CREB5: variants seen among roughly 807,000 people sequenced by gnomAD.
The protein encoded by CREB5 is cAMP responsive element binding protein 5.
In CREB5, 19 loss-of-function variants were observed where a neutral mutation model predicts 57.1. That is an observed-to-expected ratio of 0.33 (90% CI 0.23 to 0.49). The LOEUF is 0.49. Among genes scored for constraint, CREB5 ranks in the 20% least tolerant of loss-of-function variants. CREB5 has a pLI of 0.99. For synonymous variants in CREB5, 238 were observed against 238.3 expected (o/e 1.00, Z 0.01); for missense variants, 579 against 671.6 (o/e 0.86, Z 1.52).
intron 5 of CREB5, among the ~76,000 whole-genome samples, chr7:28,643,687 G>T (rs1021067449): frequency 3.1e-4 from 47 of 151,760 alleles, no homozygotes; most frequent in African/African-American, 1.1e-3. Context: ...CTTTGTGCTA[G>T]AGGCAAATCT....
chr7:28,409,183 C>G (rs1382428686), upstream of CREB5, among the ~76,000 whole-genome samples: 1 of 151,426 alleles, frequency 6.6e-6, no homozygotes, highest in Non-Finnish European at 1.5e-5. The surrounding 1 kb of genome is among the most constrained non-coding windows in gnomAD (Gnocchi z 4.4). Context: ...CACCAGGGTC[C>G]GCGCGGGCGG....
intron 1 of CREB5, among the ~76,000 whole-genome samples, chr7:28,331,648 G>A (rs1005255445): frequency 2.0e-5 from 3 of 151,906 alleles, no homozygotes; most frequent in Non-Finnish European, 2.9e-5. Context: ...TCAGGAGTTC[G>A]AGACCAGCCT....
intron 7 of CREB5, among the ~76,000 whole-genome samples, chr7:28,742,041 G>C (rs1804383745): frequency 7.2e-6 from 1 of 139,092 alleles, no homozygotes; most frequent in African/African-American, 2.8e-5. Flanking sequence ...ACTCCAGCCT[G>C]AGCAACAGAG....
At chr7:28,654,981 G>A (rs1266413694) in intron 5 of CREB5, among the ~76,000 whole-genome samples, 1 of 152,212 alleles carries the variant, frequency 6.6e-6, no homozygotes, top group East Asian at 1.9e-4. Flanking sequence ...CACAATATTG[G>A]CTCACTGCAG....
intron 1 of CREB5, among the ~76,000 whole-genome samples, chr7:28,378,689 A>G (rs1786897467): frequency 6.6e-6 from 1 of 152,156 alleles, no homozygotes; most frequent in African/African-American, 2.4e-5. Context: ...TTGAAATTTT[A>G]GACTGCATAA....
intron 4 of CREB5, among the ~76,000 whole-genome samples, chr7:28,556,022 C>T (rs925234271): frequency 3.3e-5 from 5 of 152,126 alleles, no homozygotes; most frequent in Non-Finnish European, 7.3e-5. Flanking sequence ...GAGAGGTTGC[C>T]AGGGAGAGTG....
chr7:28,667,649 A>G (rs1057488074), intron 5 of CREB5, among the ~76,000 whole-genome samples: 1 of 152,220 alleles, frequency 6.6e-6, no homozygotes, highest in Non-Finnish European at 1.5e-5. Context: ...TTGGTGTTAT[A>G]TAAGAACTCA....
chr7:28,317,499 G>A (rs994494361), intron 1 of CREB5, among the ~76,000 whole-genome samples: 1 of 152,178 alleles, frequency 6.6e-6, no homozygotes, highest in African/African-American at 2.4e-5. Context: ...AATAGTTGAC[G>A]CTGTGGTATA....
rs183208246 is a variant in CREB5, at chr7:28,393,011, G to A, written c.-25+93570G>A. On this transcript the variant is annotated intron_variant, in intron 1 of 9. Transcript: ENST00000396299. ...GTGATCTTGGCTCACCGCAACCTCT[G>A]CCTCTTAGGTTCAAGCGATTCTCCT... Among the ~76,000 whole-genome samples the A allele has an allele frequency of 3.2e-3, 490 of 151,660 alleles. 4 individuals carry two copies. The highest frequency in any genetic ancestry group is 0.011 in the African/African-American group (463 of 41,282).
intron 1 of CREB5, among the ~76,000 whole-genome samples, chr7:28,340,478 G>A (rs1022119691): frequency 6.6e-6 from 1 of 151,188 alleles, no homozygotes; most frequent in Admixed American, 6.6e-5. Context: ...AATAGGTGCT[G>A]TATCCTACCA....
intron 5 of CREB5, among the ~76,000 whole-genome samples, chr7:28,592,724 A>G (rs1285340280): frequency 1.3e-5 from 2 of 152,204 alleles, no homozygotes; most frequent in African/African-American, 4.8e-5. Flanking sequence ...AATGTCTACA[A>G]AAGGGTCACC....
intron 4 of CREB5, among the ~76,000 whole-genome samples, chr7:28,520,113 T>C (rs1204121235): frequency 6.6e-6 from 1 of 152,196 alleles, no homozygotes; most frequent in Non-Finnish European, 1.5e-5. Context: ...TGCATCGTGG[T>C]ATGGGTTCAG....
intron 1 of CREB5, among the ~76,000 whole-genome samples, chr7:28,306,555 G>GTTTTTTTT (rs869277871): frequency 3.3e-3 from 193 of 58,096 alleles, no homozygotes; most frequent in Non-Finnish European, 3.5e-3. Context: ...TGTTTTTTTT[G>GTTTTTTTT]TTTTTTTTTT....
chr7:28,462,126 GT>G (rs1790375157), intron 1 of CREB5, among the ~76,000 whole-genome samples: 1 of 152,030 alleles, frequency 6.6e-6, no homozygotes, highest in Non-Finnish European at 1.5e-5. Flanking sequence ...GTCTGTTTGG[GT>G]TTGCCTATTC....
intron 1 of CREB5, among the ~76,000 whole-genome samples, chr7:28,392,667 A>C (rs1787245224): frequency 6.6e-6 from 1 of 151,962 alleles, no homozygotes; most frequent in Non-Finnish European, 1.5e-5. Context: ...CCTTTCATAG[A>C]CTCTTAGAAT....
intron 1 of CREB5, among the ~76,000 whole-genome samples, chr7:28,422,055 G>T (rs1162599811): frequency 2.6e-5 from 4 of 152,006 alleles, no homozygotes; most frequent in Admixed American, 6.6e-5. Context: ...CTTTGCGGGG[G>T]ACAACCTGGG....
chr7:28,562,985 C>T (rs958079515), intron 4 of CREB5, among the ~76,000 whole-genome samples: 1 of 152,188 alleles, frequency 6.6e-6, no homozygotes, highest in Admixed American at 6.5e-5. Flanking sequence ...TGAAGCCAAA[C>T]TGCCTAGAGC....
intron 1 of CREB5, among the ~76,000 whole-genome samples, chr7:28,442,758 A>T: frequency 6.6e-6 from 1 of 152,150 alleles, no homozygotes; most frequent in Non-Finnish European, 1.5e-5. Context: ...TAATCACTGT[A>T]ATGTTGTGAC....
At chr7:28,579,445 T>C (rs1796036839) in intron 5 of CREB5, among the ~76,000 whole-genome samples, 1 of 152,074 alleles carries the variant, frequency 6.6e-6, no homozygotes, top group Admixed American at 6.6e-5. Context: ...TGGAGTTTTA[T>C]AGTTTTCCCC....
Sources: gnomAD v4.1 joint callset for allele counts (sites outside exome capture counted in the v4.1 genomes callset) on GRCh38, gnomAD v4.1.1 for gene constraint, Gnocchi (gnomAD v3.1) non-coding constraint, MANE v1.5 for transcripts, NCBI Gene and HGNC (gene_info 2026-07-23, HGNC 2026-07-21) for gene names.